Variants in C9orf57 observed in about 807,000 individuals in gnomAD.
C9orf57 encodes chromosome 9 open reading frame 57, also known as uncharacterized protein C9orf57.
In C9orf57, 12 loss-of-function variants were observed where a neutral mutation model predicts 12.9. That is an observed-to-expected ratio of 0.93 (90% CI 0.60 to 1.51). The LOEUF (loss-of-function observed/expected upper bound fraction) is 1.51. C9orf57 is among the 40% of genes most tolerant of loss of function. The probability of loss-of-function intolerance (pLI) is 0.00; values close to 1 mark genes in which losing one functional copy is unlikely to be tolerated. For synonymous variants in C9orf57, 49 were observed against 57.1 expected, an observed-to-expected ratio of 0.86 and a Z score of 0.64; for missense variants, 141 against 162.8, an observed-to-expected ratio of 0.87 and a Z score of 0.73.
At chr9:72,059,529 G>A in intron 1 of C9orf57, 145 bp from the exon 2 acceptor site, 1 of 1,063,962 alleles carries the variant, frequency 9.4e-7, no homozygotes, top group East Asian at 2.6e-5. Context: ...TTATAAAAAA[G>A]TCACCATATG....
At chr9:72,054,944 T>G (rs1364465246) in intron 4 of C9orf57, among the ~76,000 whole-genome samples, 1 of 107,764 alleles carries the variant, frequency 9.3e-6, no homozygotes, top group African/African-American at 3.6e-5. Flanking sequence ...TTTGAGACAA[T>G]GTCTTACTCT....
rs1306695375 is a variant in C9orf57 at position 72,052,508 on chromosome 9, A to G, written c.281-73T>C. On this transcript the variant is annotated intron_variant, in intron 4 of 4. Coordinates refer to ENST00000651200, the MANE Select transcript of C9orf57 (RefSeq NM_001128618.2). ...ATGTGGCCTCAGATGCTAATAGGTT[A>G]AAAAGAATACTAAGCAAAACTTTAG... 62 of 1,396,660 alleles carry G rather than the reference A, an allele frequency of 4.4e-5. No homozygotes were observed. In the Middle Eastern group the frequency reaches 5.4e-4, roughly 12 times the overall value. 86.5% of individuals were successfully genotyped at this position (1,396,660 alleles called of 1,614,324 possible).
At chr9:72,057,779 A>G (rs1057088140) in intron 2 of C9orf57, among the ~76,000 whole-genome samples, 9 of 152,188 alleles carry the variant, frequency 5.9e-5, no homozygotes, top group African/African-American at 1.9e-4. Flanking sequence ...CATATTATAT[A>G]TAGTCGATTC....
At chr9:72,054,022 G>A (rs973019668) in intron 4 of C9orf57, among the ~76,000 whole-genome samples, 1 of 152,150 alleles carries the variant, frequency 6.6e-6, no homozygotes, top group Non-Finnish European at 1.5e-5. Context: ...TTTTGAGATG[G>A]TGTTTCGCTC....
chr9:72,059,298 A>AT lies in C9orf57; in HGVS notation c.33dup (p.Phe12IlefsTer22). The AT allele has an allele frequency of 6.4e-7, 1 of 1,551,736 alleles. No individual in the cohort carries two copies. Among genetic ancestry groups the AT allele is most frequent in the African/African-American group, 1.4e-5 (1 of 73,196 alleles). On this transcript the variant is annotated frameshift_variant, in exon 2 of 5. Coordinates refer to ENST00000651200, the MANE Select transcript of C9orf57 (RefSeq NM_001128618.2). LOFTEE classifies it high-confidence loss of function. ...AATAAGATAACACCTAAGAGGCGGA[A>AT]TAAGATAACACCAGCAAAAACAATC...
chr9:72,060,576 G>A lies in C9orf57; in HGVS notation c.-133C>T. The A allele has an allele frequency of 6.5e-7, 1 of 1,541,270 alleles. No individual in the cohort carries two copies. The highest frequency in any genetic ancestry group is 8.8e-7 in the Non-Finnish European group (1 of 1,140,496). The stretch of plus-strand genomic sequence containing the variant: ...AAGGATGAGAACGAGTACAATTTGT[G>A]ATGTGATGAAGTCCGTTACAACTGA... On this transcript the variant is annotated 5_prime_UTR_variant, in exon 1 of 5. Transcript: ENST00000651200.
chr9:72,056,284 A>C, intron 3 of C9orf57, 88 bp from the exon 4 acceptor site: 1 of 1,023,658 alleles, frequency 9.8e-7, no homozygotes. Context: ...AAAATAAAGT[A>C]GTGATTTTTG....
chr9:72,054,359 A>G (rs913417852), intron 4 of C9orf57, among the ~76,000 whole-genome samples: 3 of 152,204 alleles, frequency 2.0e-5, no homozygotes, highest in East Asian at 3.9e-4. Context: ...ACCTTGATAC[A>G]TGTGTTAAAT....
At chr9:72,060,242 T>G (rs1391897078) in intron 1 of C9orf57, among the ~76,000 whole-genome samples, 2 of 152,176 alleles carry the variant, frequency 1.3e-5, no homozygotes, top group African/African-American at 4.8e-5. Context: ...AGACGGGGTT[T>G]CACCATGTTG....
chr9:72,055,659 T>C (rs1824183350), intron 4 of C9orf57, among the ~76,000 whole-genome samples: 1 of 152,104 alleles, frequency 6.6e-6, no homozygotes, highest in Non-Finnish European at 1.5e-5. Context: ...ATTTGGATTT[T>C]TATGTTTTGG....
intron 3 of C9orf57, 124 bp from the exon 4 acceptor site, chr9:72,056,320 T>A: frequency 2.5e-6 from 1 of 392,318 alleles, no homozygotes; most frequent in African/African-American, 2.1e-5. Flanking sequence ...ATTTATGTTA[T>A]ATATATATTT....
intron 4 of C9orf57, among the ~76,000 whole-genome samples, chr9:72,055,849 C>A (rs572614140): frequency 1.3e-5 from 2 of 152,056 alleles, no homozygotes; most frequent in Non-Finnish European, 2.9e-5. Context: ...CTATAAGACT[C>A]ATTAGCTATG....
rs138291266 is a variant in C9orf57, at chr9:72,057,547, A to C, written c.98-704T>G. ...GGCTAAAATTATTTTTTATTTTGAG[A>C]GTTTAATGAGGGAAATTTCGAAGCG... On this transcript the variant is annotated intron_variant, in intron 2 of 4. Transcript: ENST00000651200. 5.5e-4 allele frequency among the ~76,000 whole-genome samples: 83 copies of C among 152,228 alleles called. 1 individual carries two copies. The East Asian group carries it at 0.013, about 24-fold the overall frequency.
chr9:72,054,287 C>T (rs1032083826), intron 4 of C9orf57, among the ~76,000 whole-genome samples: 14 of 152,222 alleles, frequency 9.2e-5, no homozygotes, highest in African/African-American at 2.2e-4. Context: ...CGTGAGCCAC[C>T]GCGCCTAGCC....
chr9:72,057,916 A>G (rs1304744987), intron 2 of C9orf57, among the ~76,000 whole-genome samples: 4 of 152,212 alleles, frequency 2.6e-5, no homozygotes, highest in South Asian at 4.1e-4. Flanking sequence ...GAACTGGTCA[A>G]TACTGGTAAG....
chr9:72,056,361 AT>A (rs901407051), intron 3 of C9orf57, among the ~76,000 whole-genome samples, 165 bp from the exon 4 acceptor site: 18 of 147,784 alleles, frequency 1.2e-4, no homozygotes, highest in East Asian at 5.9e-4. Flanking sequence ...TATATATTTT[AT>A]TTTTTTTTAT....
At chr9:72,056,265 G>C (rs575221684) in intron 3 of C9orf57, 69 bp from the exon 4 acceptor site, 350 of 1,315,100 alleles carry the variant, frequency 2.7e-4, no homozygotes, top group Non-Finnish European at 3.5e-4. Context: ...GGAAGGAAGA[G>C]AGATCAAAAA....
chr9:72,060,543 T>G lies in C9orf57; in HGVS notation c.-100A>C. The G allele has an allele frequency of 6.5e-7, 1 of 1,549,482 alleles. No individual in the cohort carries two copies. The highest frequency in any genetic ancestry group is 2.0e-5 in the Admixed American group (1 of 50,834). ...TATGGAAATTTTCCTGGGTCTGAAC[T>G]TTCTTAAAAGGATGAGAACGAGTAC... On this transcript the variant is annotated 5_prime_UTR_variant, in exon 1 of 5. Coordinates refer to ENST00000651200, the MANE Select transcript of C9orf57 (RefSeq NM_001128618.2).
chr9:72,058,003 T>A (rs1824243933), intron 2 of C9orf57, among the ~76,000 whole-genome samples: 2 of 152,310 alleles, frequency 1.3e-5, no homozygotes, highest in South Asian at 4.1e-4. Context: ...TTAAATAAAC[T>A]CACAGATTCC....
Sources: gnomAD v4.1 joint callset for allele counts (sites outside exome capture counted in the v4.1 genomes callset) on GRCh38, gnomAD v4.1.1 for gene constraint, MANE v1.5 for transcripts, NCBI Gene and HGNC (gene_info 2026-07-23, HGNC 2026-07-21) for gene names.